Variants in RNF214 observed in about 807,000 individuals in gnomAD.
RNF214 encodes ring finger protein 214.
Under a neutral mutation model 75.9 loss-of-function variants are expected in RNF214, and 25 were observed. The ratio of observed to expected loss-of-function variants is 0.33; its 90% confidence interval spans 0.24 to 0.46. RNF214 has a LOEUF of 0.46. RNF214 is among the 20% of genes least tolerant of loss of function. The pLI, the probability that RNF214 is intolerant of heterozygous loss-of-function variation, is 1.00. For missense variants in RNF214, 725 were observed against 857.5 expected (o/e 0.85, Z 1.93); for synonymous variants, 314 against 308.8 (o/e 1.02, Z -0.18).
In RNF214 at chr11:117,239,013, G is replaced by A. The variant is rs1565328237; in HGVS notation, c.520G>A (p.Val174Ile). The stretch of plus-strand genomic sequence containing the variant: ...GGACACAAGCTTGGATTTCCGACCT[G>A]TAGTGTCTCCAGCAAATGGGGTTGA... ...NRDTSLDFRP[V>I]VSPANGVEGV... The change falls in exon 3 of 15, where the codon GTA (valine) becomes ATA (isoleucine). Residue 174 changes from valine to isoleucine, a missense_variant. By Grantham distance (29) the Val-to-Ile change is conservative. Coordinates refer to ENST00000300650, the MANE Select transcript of RNF214 (RefSeq NM_207343.4). 6.8e-6 allele frequency: 11 copies of A among 1,614,186 alleles called. No individual in the cohort carries two copies. Among genetic ancestry groups the A allele is most frequent in the Non-Finnish European group, 8.5e-6 (10 of 1,180,036 alleles).
In RNF214 at chr11:117,244,559, A is replaced by C; in HGVS notation, c.793A>C (p.Arg265=). ...QVQLKQLQQR[R]EEEMKNHQEI... ...GCAATTAAAGCAGCTTCAGCAAAGG[A>C]GAGAAGAGGAAATGAAGAATCACCA... The change falls in exon 5 of 15, where the codon AGA becomes CGA. Residue 265 remains arginine (R), a synonymous_variant. Coordinates refer to ENST00000300650, the MANE Select transcript of RNF214 (RefSeq NM_207343.4). The C allele has an allele frequency of 6.2e-7, 1 of 1,610,672 alleles. No individual in the cohort carries two copies. The highest frequency in any genetic ancestry group is 8.5e-7 in the Non-Finnish European group (1 of 1,178,766).
intron 6 of RNF214, 111 bp downstream of exon 6, chr11:117,247,059 C>T: frequency 1.1e-6 from 1 of 879,516 alleles, no homozygotes; most frequent in East Asian, 2.7e-5. Flanking sequence ...ATTTGAAAAA[C>T]AAGTGTACAA....
intron 2 of RNF214, among the ~76,000 whole-genome samples, chr11:117,237,869 T>A (rs984481289): frequency 1.3e-5 from 2 of 152,148 alleles, no homozygotes; most frequent in Non-Finnish European, 2.9e-5. Flanking sequence ...TAAAAAGTGG[T>A]TCTGGTCAAA....
At chr11:117,248,847 T>G (rs925685075) in intron 6 of RNF214, among the ~76,000 whole-genome samples, 2 of 152,228 alleles carry the variant, frequency 1.3e-5, no homozygotes, top group Admixed American at 1.3e-4. Flanking sequence ...CAGGAGATAT[T>G]AAAGTGCAGA....
chr11:117,259,747 T>C (rs1300580620), intron 6 of RNF214, among the ~76,000 whole-genome samples: 2 of 152,216 alleles, frequency 1.3e-5, no homozygotes, highest in Non-Finnish European at 2.9e-5. Context: ...AACTTTTTTA[T>C]TCCTTTTCTT....
chr11:117,256,481 C>T (rs546779675), intron 6 of RNF214, among the ~76,000 whole-genome samples: 81 of 152,314 alleles, frequency 5.3e-4, no homozygotes, highest in African/African-American at 1.9e-3. Flanking sequence ...TGGCTTCATT[C>T]ATATCCCTGG....
intron 6 of RNF214, among the ~76,000 whole-genome samples, chr11:117,251,978 C>T (rs1812062864): frequency 2.0e-5 from 3 of 152,212 alleles, no homozygotes; most frequent in African/African-American, 7.2e-5. Flanking sequence ...AAGTGATTCT[C>T]CTGCCTCAGC....
chr11:117,254,597 C>T (rs1053394026), intron 6 of RNF214, among the ~76,000 whole-genome samples: 1 of 151,852 alleles, frequency 6.6e-6, no homozygotes, highest in Non-Finnish European at 1.5e-5. Flanking sequence ...AGTCCTGAGT[C>T]AAGTCAGCCA....
chr11:117,235,354 G>A (rs1377565496), intron 2 of RNF214, among the ~76,000 whole-genome samples: 2 of 151,932 alleles, frequency 1.3e-5, no homozygotes, highest in African/African-American at 2.4e-5. Context: ...CCGCCACTAC[G>A]CCCGGCTAAT....
chr11:117,282,668 TG>T (rs2034152911), intron 12 of RNF214, 77 bp from the exon 13 acceptor site: 1 of 1,549,144 alleles, frequency 6.5e-7, no homozygotes, highest in South Asian at 1.1e-5. Context: ...TTTCCTGGAC[TG>T]GGAAATAAGT....
At chr11:117,248,098 C>T (rs566363763) in intron 6 of RNF214, among the ~76,000 whole-genome samples, 119 of 151,944 alleles carry the variant, frequency 7.8e-4, no homozygotes, top group Non-Finnish European at 1.4e-3. Context: ...TTTTTTGAGA[C>T]GGAGTCTTGC....
rs369582263 is a variant in RNF214, at chr11:117,281,306, C to A, written c.1146-8C>A. 1 of 1,605,866 alleles carries A rather than the reference C, an allele frequency of 6.2e-7. No individual in the cohort carries two copies. Among genetic ancestry groups the A allele is most frequent in the African/African-American group, 1.3e-5 (1 of 74,768 alleles). On this transcript the variant is annotated splice_region_variant and splice_polypyrimidine_tract_variant and intron_variant, in intron 8 of 14. Coordinates refer to ENST00000300650, the MANE Select transcript of RNF214 (RefSeq NM_207343.4). The stretch of plus-strand genomic sequence containing the variant: ...TAAATCTGTAAATTCCTGTTGGTTT[C>A]TTGAAAGGTCAACTCCCCCAACACT...
In RNF214 at chr11:117,234,355, A is replaced by T; in HGVS notation, c.83A>T (p.Asp28Val). The change falls in exon 2 of 15, where the codon GAC becomes GTC. Residue 28 changes from aspartate to valine, a missense_variant. Asp to Val is a radical substitution (Grantham distance 152). This residue lies in a region of RNF214 where 362 missense variants were observed against 344.5 expected (regional missense o/e 1.05). Coordinates refer to ENST00000300650, the MANE Select transcript of RNF214 (RefSeq NM_207343.4). ...ESSSLCASKS[D>V]EGLPDGLSTK... ...TCTAGTTTATGTGCTTCCAAATCAGACGAAGGTCTCCCAGATGGTCTAAGG... is the reference window on the plus strand; with the variant it reads ...TCTAGTTTATGTGCTTCCAAATCAGTCGAAGGTCTCCCAGATGGTCTAAGG... 1 of 1,613,906 alleles carries T rather than the reference A, an allele frequency of 6.2e-7. No homozygotes were observed. The highest frequency in any genetic ancestry group is 8.5e-7 in the Non-Finnish European group (1 of 1,179,766).
At chr11:117,284,473 TG>T (rs1317617310) in intron 14 of RNF214, among the ~76,000 whole-genome samples, 1 of 152,210 alleles carries the variant, frequency 6.6e-6, no homozygotes, top group Non-Finnish European at 1.5e-5. Context: ...AGAACAGAGA[TG>T]CTCATCTCAG....
chr11:117,258,617 G>A (rs1208158831), intron 6 of RNF214, among the ~76,000 whole-genome samples: 1 of 151,278 alleles, frequency 6.6e-6, no homozygotes, highest in Non-Finnish European at 1.5e-5. Context: ...CACTTAGCAA[G>A]TCCACTGGTT....
chr11:117,256,554 T>C (rs2033526681), intron 6 of RNF214, among the ~76,000 whole-genome samples: 1 of 152,168 alleles, frequency 6.6e-6, no homozygotes, highest in South Asian at 2.1e-4. Flanking sequence ...CATGCTTTTC[T>C]CATTCTCACT....
At chr11:117,271,114 G>T (rs2033901923) in intron 6 of RNF214, among the ~76,000 whole-genome samples, 1 of 151,736 alleles carries the variant, frequency 6.6e-6, no homozygotes, top group Admixed American at 6.6e-5. Context: ...TGCCCAGTCT[G>T]GTCTCAAACT....
Position 117,285,129 on chromosome 11 carries a change from C to G in RNF214, c.2090C>G (p.Pro697Arg). ...CAGACCAACACAAATGACACTTGTCCCTTTTGTCCAACTCTTAAATGACGG... is the reference window on the plus strand; with the variant it reads ...CAGACCAACACAAATGACACTTGTCGCTTTTGTCCAACTCTTAAATGACGG... The part of the protein sequence containing the change: ...WAQTNTNDTC[P>R]FCPTLK The change falls in exon 15 of 15, where the codon CCC (proline) becomes CGC (arginine). Residue 697 changes from proline to arginine, a missense_variant. Pro to Arg is a moderately radical substitution (Grantham distance 103, BLOSUM62 -2). Coordinates refer to ENST00000300650, the MANE Select transcript of RNF214 (RefSeq NM_207343.4). The G allele has an allele frequency of 1.9e-6, 3 of 1,612,512 alleles. No homozygotes were observed. Among genetic ancestry groups the G allele is most frequent in the Non-Finnish European group, 2.5e-6 (3 of 1,178,670 alleles).
chr11:117,260,474 A>C (rs1245361308), intron 6 of RNF214, among the ~76,000 whole-genome samples: 1 of 152,152 alleles, frequency 6.6e-6, no homozygotes, highest in Non-Finnish European at 1.5e-5. Context: ...TGTAATTCTG[A>C]ATACTATTCT....
Sources: allele counts gnomAD v4.1 joint callset (sites outside exome capture counted in the v4.1 genomes callset), GRCh38; gene constraint gnomAD v4.1.1; regional missense constraint gnomAD v4.1.1; transcripts MANE v1.5; gene names NCBI Gene and HGNC (gene_info 2026-07-23, HGNC 2026-07-21).